Variants in CPEB1 observed in about 807,000 individuals in gnomAD.
CPEB1 encodes cytoplasmic polyadenylation element binding protein 1.
Under a neutral mutation model 65.8 loss-of-function variants are expected in CPEB1, and 7 were observed. The ratio of observed to expected loss-of-function variants is 0.11; its 90% CI spans 0.06 to 0.20. CPEB1 has a LOEUF of 0.20. Among genes scored for constraint, CPEB1 ranks in the 10% least tolerant of loss-of-function variants. The probability of loss-of-function intolerance (pLI) is 1.00; values close to 1 mark genes in which losing one functional copy is unlikely to be tolerated. For synonymous variants in CPEB1, 262 were observed against 260.0 expected, an observed-to-expected ratio of 1.01 and a Z score of -0.08; for missense variants, 551 against 712.2, an observed-to-expected ratio of 0.77 and a Z score of 2.58.
chr15:82,645,450 G>T (rs953357666), intron 1 of CPEB1, among the ~76,000 whole-genome samples: 1 of 151,958 alleles, frequency 6.6e-6, no homozygotes, highest in Non-Finnish European at 1.5e-5. Flanking sequence ...ATGGGGCCGG[G>T]CCGTACTTTT....
chr15:82,611,460 A>G (rs2044146118), intron 3 of CPEB1, among the ~76,000 whole-genome samples: 2 of 152,184 alleles, frequency 1.3e-5, no homozygotes, highest in Admixed American at 1.3e-4. Flanking sequence ...TAATATTGTT[A>G]AGATGGCAAT....
intron 3 of CPEB1, 146 bp downstream of exon 3, chr15:82,627,047 C>T (rs2151317388): frequency 1.7e-6 from 1 of 577,834 alleles, no homozygotes; most frequent in Non-Finnish European, 2.8e-6. Context: ...GGATTCAATC[C>T]ATAAACTAAA....
chr15:82,590,209 CAAAAAAAAAAAA>C (rs5814120), intron 3 of CPEB1, among the ~76,000 whole-genome samples: 32 of 104,156 alleles, frequency 3.1e-4, no homozygotes, highest in Non-Finnish European at 4.3e-4. Context: ...ATCCCTTTGA[CAAAAAAAAAAAA>C]AAAAAAAAAA....
intron 1 of CPEB1, among the ~76,000 whole-genome samples, chr15:82,637,049 T>C (rs778891291): frequency 1.4e-4 from 22 of 152,316 alleles, no homozygotes; most frequent in South Asian, 2.1e-4. Context: ...CACCTCTCCA[T>C]ATAATGCTTC....
intron 1 of CPEB1, chr15:82,630,245 T>A: frequency 4.7e-6 from 1 of 213,298 alleles, no homozygotes; most frequent in Non-Finnish European, 8.1e-6. Flanking sequence ...CAATCTGCAT[T>A]ATCTTAAGGC....
At chr15:82,578,210 C>A (rs2040878150) in intron 3 of CPEB1, among the ~76,000 whole-genome samples, 1 of 152,162 alleles carries the variant, frequency 6.6e-6, no homozygotes, top group Non-Finnish European at 1.5e-5. Context: ...CTGAGTAATT[C>A]CATGTCTGGT....
chr15:82,629,589 T>C, intron 1 of CPEB1: 1 of 985,266 alleles, frequency 1.0e-6, no homozygotes, highest in East Asian at 1.1e-4. Context: ...TCTCCCTCAC[T>C]CTCCACAGCC....
At chr15:82,643,624 C>T (rs1426785905) in intron 1 of CPEB1, among the ~76,000 whole-genome samples, 2 of 129,708 alleles carry the variant, frequency 1.5e-5, no homozygotes, top group East Asian at 4.4e-4. Context: ...GTCTCCATCT[C>T]AAAAAAAAAA....
chr15:82,550,683 G>C (rs566319788), intron 9 of CPEB1, among the ~76,000 whole-genome samples: 272 of 152,336 alleles, frequency 1.8e-3, no homozygotes, highest in African/African-American at 6.4e-3. Context: ...CCACAGGAAG[G>C]TGAGGCTCAG....
intron 3 of CPEB1, among the ~76,000 whole-genome samples, chr15:82,621,388 G>A (rs573840156): frequency 3.5e-4 from 53 of 151,928 alleles, no homozygotes; most frequent in East Asian, 2.7e-3. Context: ...TTGGGAGGCC[G>A]AGGCAGGCGG....
At chr15:82,645,511 T>C (rs950277886) in intron 1 of CPEB1, among the ~76,000 whole-genome samples, 2 of 152,118 alleles carry the variant, frequency 1.3e-5, no homozygotes, top group Non-Finnish European at 2.9e-5. Context: ...CAAATCCTAC[T>C]TCTATAAACT....
Position 82,543,552 on chromosome 15 carries a change from A to G in CPEB1, c.*1040T>C, listed in dbSNP as rs2150899055. The G allele has an allele frequency of 1.3e-5, 2 of 152,260 alleles. No individual in the cohort carries two copies. The highest frequency in any genetic ancestry group is 1.9e-4 in the East Asian group (1 of 5,162). The allele number at this position is 152,260 out of a possible 1,614,324, so 9.4% of individuals were successfully genotyped here. A position where few individuals can be genotyped will look rare whatever the true frequency, so the allele number is the denominator to read the frequency against. On this transcript the variant is annotated 3_prime_UTR_variant, in exon 13 of 13. Transcript: ENST00000684509. ...CAGTCAACTGCAACTGTTATCTCAT[A>G]CATTCCTCAAATTAAAGATATAAGG...
intron 3 of CPEB1, among the ~76,000 whole-genome samples, chr15:82,590,855 C>T (rs1172188301): frequency 6.6e-6 from 1 of 152,210 alleles, no homozygotes; most frequent in Non-Finnish European, 1.5e-5. Context: ...TCTCCTTCTT[C>T]ACGGCTGTGT....
At chr15:82,616,861 A>G (rs1356663789) in intron 3 of CPEB1, among the ~76,000 whole-genome samples, 2 of 152,254 alleles carry the variant, frequency 1.3e-5, no homozygotes, top group East Asian at 1.9e-4. Context: ...GCTTTGAGAC[A>G]TAACTGACAT....
At chr15:82,632,739 G>C (rs1172104238) in intron 1 of CPEB1, among the ~76,000 whole-genome samples, 1 of 151,624 alleles carries the variant, frequency 6.6e-6, no homozygotes, top group Non-Finnish European at 1.5e-5. Context: ...ATGTTGTCCA[G>C]GCTGGTCTTG....
intron 9 of CPEB1, among the ~76,000 whole-genome samples, chr15:82,550,383 G>A (rs545545388): frequency 2.4e-4 from 36 of 152,332 alleles, no homozygotes; most frequent in African/African-American, 7.9e-4. Flanking sequence ...GGCAAAAACA[G>A]TAGTTTCAAA....
intron 3 of CPEB1, among the ~76,000 whole-genome samples, chr15:82,608,479 T>C (rs2043834486): frequency 6.6e-6 from 1 of 152,230 alleles, no homozygotes; most frequent in Non-Finnish European, 1.5e-5. Flanking sequence ...TTTGCTGTGA[T>C]GCAGGTTGCT....
At chr15:82,613,065 T>G (rs28791898) in intron 3 of CPEB1, among the ~76,000 whole-genome samples, 1,739 of 152,232 alleles carry the variant, frequency 0.011, 28 homozygotes, top group African/African-American at 0.04. Context: ...AGCTAATGAT[T>G]TGCTTCAAGA....
intron 3 of CPEB1, among the ~76,000 whole-genome samples, chr15:82,584,870 A>G (rs891158232): frequency 9.8e-5 from 14 of 142,266 alleles, no homozygotes; most frequent in Admixed American, 9.8e-4. Context: ...ATTTCTCAGT[A>G]GTAAGATGAC....
Sources: allele counts gnomAD v4.1 joint callset (sites outside exome capture counted in the v4.1 genomes callset), GRCh38; gene constraint gnomAD v4.1.1; transcripts MANE v1.5; gene names NCBI Gene and HGNC (gene_info 2026-07-23, HGNC 2026-07-21).